Variants in LRBA observed in about 807,000 individuals in gnomAD.
LRBA encodes LPS responsive beige-like anchor protein, also known as lipopolysaccharide-responsive and beige-like anchor protein.
Under a neutral mutation model 330.0 loss-of-function variants are expected in LRBA, and 176 were observed. That is an observed-to-expected ratio of 0.53 (90% CI 0.47 to 0.60). The LOEUF is 0.60. Among genes scored for constraint, LRBA ranks in the 20% least tolerant of loss-of-function variants. LRBA has a pLI of 0.00. For missense variants in LRBA, 3,259 were observed against 3,444.8 expected, an observed-to-expected ratio of 0.95 and a Z score of 1.35; for synonymous variants, 1,230 against 1,193.0, an observed-to-expected ratio of 1.03 and a Z score of -0.64.
At chr4:150,716,662 C>A (rs1192028160) in intron 36 of LRBA, among the ~76,000 whole-genome samples, 2 of 152,030 alleles carry the variant, frequency 1.3e-5, no homozygotes, top group Non-Finnish European at 2.9e-5. Flanking sequence ...AAAGCAGCTA[C>A]TTAAGAGGAA....
At chr4:150,781,172 C>T (rs535739895) in intron 34 of LRBA, among the ~76,000 whole-genome samples, 14 of 152,290 alleles carry the variant, frequency 9.2e-5, no homozygotes, top group Admixed American at 3.3e-4. Flanking sequence ...AGCCACCACG[C>T]CCGGCCGTGC....
At chr4:150,315,957 T>C (rs1731666436) in intron 50 of LRBA, among the ~76,000 whole-genome samples, 1 of 152,164 alleles carries the variant, frequency 6.6e-6, no homozygotes, top group Non-Finnish European at 1.5e-5. Context: ...AACCATCTGC[T>C]GACTGTAGCA....
At chr4:150,882,322 A>C (rs1159267271) in intron 17 of LRBA, among the ~76,000 whole-genome samples, 4 of 152,226 alleles carry the variant, frequency 2.6e-5, no homozygotes, top group African/African-American at 9.6e-5. Context: ...GTAAAAGTTA[A>C]ATGGGCCTAT....
intron 40 of LRBA, among the ~76,000 whole-genome samples, chr4:150,559,442 T>C (rs1767767279): frequency 6.7e-6 from 1 of 148,438 alleles, no homozygotes; most frequent in Admixed American, 6.9e-5. Context: ...ATGCTGGTAG[T>C]CCCAGCTACT....
chr4:150,739,684 C>T (rs758078188), intron 35 of LRBA, among the ~76,000 whole-genome samples: 3 of 152,164 alleles, frequency 2.0e-5, no homozygotes, highest in Non-Finnish European at 2.9e-5. Context: ...TTGACGCTCT[C>T]CCTTAATGGC....
At chr4:150,962,354 CA>C (rs1306913789) in intron 2 of LRBA, among the ~76,000 whole-genome samples, 1 of 148,612 alleles carries the variant, frequency 6.7e-6, no homozygotes, top group East Asian at 1.9e-4. Flanking sequence ...CCCATTTCTA[CA>C]AAAAAATGCA....
chr4:150,401,275 A>C (rs1222363633), intron 47 of LRBA, among the ~76,000 whole-genome samples: 3 of 152,220 alleles, frequency 2.0e-5, no homozygotes, highest in African/African-American at 7.2e-5. Context: ...CAATAAACGT[A>C]TGTTGTTTAA....
Position 150,467,776 on chromosome 4 carries a change from T to C in LRBA, c.6677A>G (p.Tyr2226Cys). Reference protein sequence around the residue: ...MFLNTIAGRSYNDLNQYPVFP... With the variant: ...MFLNTIAGRSCNDLNQYPVFP... The stretch of plus-strand genomic sequence containing the variant: ...CACTGGATACTGATTTAAGTCATTA[T>C]AACTCCGTCCTGATAGGGAAAAAAG... Residue 2226 changes from tyrosine (Y) to cysteine (C), a missense_variant, in exon 44 of 57, where the codon TAT becomes TGT. By Grantham distance (194) the Tyr-to-Cys change is radical. Transcript: ENST00000651943. The C allele has an allele frequency of 1.3e-6, 2 of 1,533,392 alleles. No homozygotes were observed. Among genetic ancestry groups the C allele is most frequent in the South Asian group, 1.2e-5 (1 of 86,364 alleles). 95.0% of individuals were successfully genotyped at this position (1,533,392 alleles called of 1,614,324 possible).
chr4:150,832,115 A>G lies in LRBA; in HGVS notation c.4570-139T>C, dbSNP rs528565625. 3 of 444,894 alleles carry G rather than the reference A, an allele frequency of 6.7e-6. No homozygotes were observed. In the East Asian group the frequency reaches 1.1e-4, roughly 16 times the overall value. 27.6% of individuals were successfully genotyped at this position (444,894 alleles called of 1,614,324 possible). ...AAATACATTACCTACGTAAATAATA[A>G]ATTTATTAATAAACTTACTTGAGCA... On this transcript the variant is annotated intron_variant, in intron 28 of 56. Coordinates refer to ENST00000651943, the MANE Select transcript of LRBA (RefSeq NM_001364905.1).
intron 35 of LRBA, among the ~76,000 whole-genome samples, chr4:150,741,634 C>T (rs1483111330): frequency 6.6e-6 from 1 of 152,054 alleles, no homozygotes; most frequent in African/African-American, 2.4e-5. Context: ...AAAAATAAAA[C>T]TAATTTTTAA....
At chr4:150,792,564 A>G (rs1193664800) in intron 34 of LRBA, among the ~76,000 whole-genome samples, 1 of 152,170 alleles carries the variant, frequency 6.6e-6, no homozygotes, top group Admixed American at 6.5e-5. Flanking sequence ...ACTGGAGTGC[A>G]CCAGTGCGAC....
intron 5 of LRBA, among the ~76,000 whole-genome samples, chr4:150,918,070 TTA>T (rs1732837154): frequency 6.6e-6 from 1 of 152,154 alleles, no homozygotes; most frequent in Non-Finnish European, 1.5e-5. Flanking sequence ...ATCCTTCTTA[TTA>T]TGTCACCAAA....
chr4:150,785,203 T>C (rs1378084274), intron 34 of LRBA, among the ~76,000 whole-genome samples: 3 of 152,124 alleles, frequency 2.0e-5, no homozygotes, highest in Non-Finnish European at 4.4e-5. Flanking sequence ...TGTCCTCTTA[T>C]GCTGAGTTAG....
chr4:151,003,049 T>C (rs1743573538), intron 2 of LRBA, among the ~76,000 whole-genome samples: 1 of 138,506 alleles, frequency 7.2e-6, no homozygotes, highest in African/African-American at 2.5e-5. Flanking sequence ...TGTTTGCGTG[T>C]GTGTGTGTGT....
At chr4:150,342,717 T>C (rs901218077) in intron 48 of LRBA, among the ~76,000 whole-genome samples, 1 of 152,162 alleles carries the variant, frequency 6.6e-6, no homozygotes, top group Non-Finnish European at 1.5e-5. Flanking sequence ...AATGGAAACT[T>C]TCTCAAGAAG....
intron 22 of LRBA, among the ~76,000 whole-genome samples, chr4:150,863,654 T>C (rs1191559234): frequency 1.3e-5 from 2 of 152,164 alleles, no homozygotes; most frequent in Admixed American, 1.3e-4. Context: ...AGGGAGACTC[T>C]TTTTCCTGAG....
chr4:150,465,978 ATGGAAAGTACCC>A (rs1561216496), intron 44 of LRBA, among the ~76,000 whole-genome samples: 1 of 152,128 alleles, frequency 6.6e-6, no homozygotes, highest in Non-Finnish European at 1.5e-5. Context: ...TAACAAGTAT[ATGGAAAGTACCC>A]TGGGAGTTCA....
At chr4:150,907,916 G>A (rs908495377) in intron 11 of LRBA, among the ~76,000 whole-genome samples, 23 of 151,628 alleles carry the variant, frequency 1.5e-4, no homozygotes, top group African/African-American at 5.3e-4. Flanking sequence ...TTACATAAAT[G>A]CAATCAGTAA....
At chr4:150,344,597 T>A (rs1736025244) in intron 48 of LRBA, among the ~76,000 whole-genome samples, 1 of 152,236 alleles carries the variant, frequency 6.6e-6, no homozygotes, top group Non-Finnish European at 1.5e-5. Context: ...GGTCTTACTC[T>A]GTCGCCCAGG....
Sources: gnomAD v4.1 joint callset for allele counts (sites outside exome capture counted in the v4.1 genomes callset) on GRCh38, gnomAD v4.1.1 for gene constraint, MANE v1.5 for transcripts, NCBI Gene and HGNC (gene_info 2026-07-23, HGNC 2026-07-21) for gene names.